Variants in TSHZ2 observed in about 807,000 individuals in gnomAD.
The protein encoded by TSHZ2 is teashirt homolog 2.
TSHZ2 carries 21 observed loss-of-function variants against 74.4 expected under a neutral mutation model. That is an observed-to-expected ratio of 0.28 (90% CI 0.20 to 0.41). The LOEUF (loss-of-function observed/expected upper bound fraction) is 0.41. Ranked by LOEUF, TSHZ2 falls within the 10% of genes least tolerant of loss-of-function variation. The probability of loss-of-function intolerance (pLI) is 1.00; values close to 1 mark genes in which losing one functional copy is unlikely to be tolerated. For synonymous variants in TSHZ2, 540 were observed against 515.3 expected (o/e 1.05, Z -0.65); for missense variants, 1,244 against 1,293.5 (o/e 0.96, Z 0.59).
intron 1 of TSHZ2, among the ~76,000 whole-genome samples, chr20:53,049,045 A>G (rs1600665242): frequency 6.6e-6 from 1 of 152,104 alleles, no homozygotes; most frequent in East Asian, 1.9e-4. Context: ...AATCATATCT[A>G]TTTCATGAGG....
chr20:53,078,131 T>A (rs1415156116), intron 1 of TSHZ2, among the ~76,000 whole-genome samples: 1 of 152,232 alleles, frequency 6.6e-6, no homozygotes, highest in Non-Finnish European at 1.5e-5. Flanking sequence ...CGAATCCAGC[T>A]TTAGACTGCA....
At chr20:53,249,433 A>G (rs187933078) in intron 1 of TSHZ2, among the ~76,000 whole-genome samples, 2 of 152,340 alleles carry the variant, frequency 1.3e-5, no homozygotes, top group Admixed American at 1.3e-4. Context: ...GTAGAAGAAG[A>G]CATCAATCAA....
intron 1 of TSHZ2, among the ~76,000 whole-genome samples, chr20:53,087,005 T>C (rs1349964128): frequency 6.6e-6 from 1 of 152,016 alleles, no homozygotes; most frequent in Non-Finnish European, 1.5e-5. Flanking sequence ...TCATGCTAGA[T>C]AGGATGGCCA....
At chr20:53,032,295 C>T (rs898977197) in intron 1 of TSHZ2, among the ~76,000 whole-genome samples, 2 of 152,198 alleles carry the variant, frequency 1.3e-5, no homozygotes, top group Admixed American at 6.5e-5. Context: ...AGGACGATTA[C>T]GTTTGAACTA....
intron 1 of TSHZ2, among the ~76,000 whole-genome samples, chr20:53,237,012 T>C (rs140750720): frequency 1.3e-5 from 2 of 152,320 alleles, no homozygotes; most frequent in East Asian, 3.9e-4. Context: ...ACCACATCAG[T>C]GATCTCAGGA....
intron 1 of TSHZ2, among the ~76,000 whole-genome samples, chr20:53,222,727 G>T (rs1327437699): frequency 6.6e-6 from 1 of 152,218 alleles, no homozygotes; most frequent in Non-Finnish European, 1.5e-5. Context: ...GAATCAGCAA[G>T]GGGGCTTGGA....
intron 2 of TSHZ2, among the ~76,000 whole-genome samples, chr20:53,464,334 G>T (rs141665975): frequency 6.6e-6 from 1 of 152,208 alleles, no homozygotes; most frequent in African/African-American, 2.4e-5. Context: ...GAGAAGAAAA[G>T]ATCTTTCTGA....
In TSHZ2 at chr20:53,178,029, C is replaced by T. The variant is rs562112247; in HGVS notation, c.41-75470C>T. On this transcript the variant is annotated intron_variant, in intron 1 of 2. Transcript: ENST00000371497. ...CCCGTTAGCTGTCACTGTCTCATGACCTATTAAAAGTCAGATCCTACACAC... is the reference window on the plus strand; with the variant it reads ...CCCGTTAGCTGTCACTGTCTCATGATCTATTAAAAGTCAGATCCTACACAC... 5.3e-5 allele frequency: 8 copies of T among 152,308 alleles called. No homozygotes were observed. In the South Asian group the frequency reaches 1.2e-3, roughly 24 times the overall value. The allele number at this position is 152,308 out of a possible 1,614,324, so 9.4% of individuals were successfully genotyped here. A position where few individuals can be genotyped will look rare whatever the true frequency, so the allele number is the denominator to read the frequency against.
chr20:53,056,357 C>T (rs897214561), intron 1 of TSHZ2, among the ~76,000 whole-genome samples: 8 of 152,186 alleles, frequency 5.3e-5, no homozygotes, highest in African/African-American at 1.9e-4. Flanking sequence ...GTACCAGACC[C>T]TTGAACTGGA....
chr20:53,185,564 G>A, intron 1 of TSHZ2: 1 of 1,486,550 alleles, frequency 6.7e-7, no homozygotes, highest in African/African-American at 1.4e-5. Flanking sequence ...AGGTTGCAGT[G>A]AGCTGAGATC....
chr20:53,337,425 C>A (rs1220306907), intron 2 of TSHZ2, among the ~76,000 whole-genome samples: 3 of 152,288 alleles, frequency 2.0e-5, no homozygotes, highest in Admixed American at 1.3e-4. Flanking sequence ...TTGCCTTTTT[C>A]ATTAGAGAAG....
intron 1 of TSHZ2, among the ~76,000 whole-genome samples, chr20:53,064,094 A>G (rs1984902717): frequency 6.6e-6 from 1 of 152,232 alleles, no homozygotes; most frequent in African/African-American, 2.4e-5. Context: ...AGATAAGATC[A>G]AATCAGTGTG....
At chr20:53,388,408 T>C (rs1982126420) in intron 2 of TSHZ2, among the ~76,000 whole-genome samples, 2 of 152,096 alleles carry the variant, frequency 1.3e-5, no homozygotes, top group South Asian at 4.2e-4. Flanking sequence ...TGCCCTCGAG[T>C]AAGTCATAGT....
intron 1 of TSHZ2, among the ~76,000 whole-genome samples, chr20:52,993,599 A>G (rs989558130): frequency 6.6e-6 from 1 of 152,232 alleles, no homozygotes; most frequent in African/African-American, 2.4e-5. Flanking sequence ...CTGCAATTGG[A>G]ATTCTTAGGC....
intron 2 of TSHZ2, among the ~76,000 whole-genome samples, chr20:53,411,502 G>A (rs2145698279): frequency 6.6e-6 from 1 of 151,994 alleles, no homozygotes; most frequent in Middle Eastern, 3.4e-3. Flanking sequence ...TAAGCTCTCT[G>A]AACCTGTTTC....
At chr20:53,192,988 G>C (rs956080372) in intron 1 of TSHZ2, among the ~76,000 whole-genome samples, 7 of 152,034 alleles carry the variant, frequency 4.6e-5, no homozygotes, top group Non-Finnish European at 8.8e-5. Flanking sequence ...TGGGCAGAGC[G>C]GCTGTGCCAG....
Position 53,074,759 on chromosome 20 carries a change from G to A in TSHZ2, c.40+101426G>A, listed in dbSNP as rs904843843. ...TCAGGCACATCTACTCTGTGCCAGG[G>A]AAGGTGCTGAAGGAACTAGCATGTG... On this transcript the variant is annotated intron_variant, in intron 1 of 2. Coordinates refer to ENST00000371497, the MANE Select transcript of TSHZ2 (RefSeq NM_173485.6). This position sits in a 1 kb window ranked among gnomAD's most constrained non-coding sequence, Gnocchi z 5.9. Among the ~76,000 whole-genome samples the A allele has an allele frequency of 5.3e-5, 8 of 152,174 alleles. No homozygotes were observed. The highest frequency in any genetic ancestry group is 1.7e-4 in the African/African-American group (7 of 41,438).
At chr20:53,433,186 G>C (rs1033857123) in intron 2 of TSHZ2, among the ~76,000 whole-genome samples, 1 of 152,084 alleles carries the variant, frequency 6.6e-6, no homozygotes, top group African/African-American at 2.4e-5. Context: ...TATTTAACTG[G>C]GCACACTGTC....
chr20:53,173,559 C>T (rs1013609195), intron 1 of TSHZ2, among the ~76,000 whole-genome samples: 9 of 152,058 alleles, frequency 5.9e-5, no homozygotes, highest in African/African-American at 1.7e-4. Context: ...AGTGAGCCGA[C>T]GTAGCGCCAC....
Sources: gnomAD v4.1 joint callset for allele counts (sites outside exome capture counted in the v4.1 genomes callset) on GRCh38, gnomAD v4.1.1 for gene constraint, Gnocchi (gnomAD v3.1) non-coding constraint, MANE v1.5 for transcripts, NCBI Gene and HGNC (gene_info 2026-07-23, HGNC 2026-07-21) for gene names.